The following ADAMTSL1 variants were observed in gnomAD, a reference collection of about 807,000 sequenced individuals.
The protein encoded by ADAMTSL1 is ADAMTS like 1, also known as ADAMTS-like protein 1.
In ADAMTSL1, 126 loss-of-function variants were observed where a neutral mutation model predicts 201.8. The ratio of observed to expected loss-of-function variants is 0.62; its 90% CI spans 0.54 to 0.72. The LOEUF (loss-of-function observed/expected upper bound fraction) is 0.72, where lower values mean the gene tolerates loss of function less well. Among genes scored for constraint, ADAMTSL1 ranks in the 30% least tolerant of loss-of-function variants. ADAMTSL1 has a pLI of 0.00. For synonymous variants in ADAMTSL1, 1,121 were observed against 903.4 expected (o/e 1.24, Z -4.32); for missense variants, 2,679 against 2,277.8 (o/e 1.18, Z -3.59).
chr9:18,007,795 A>G (rs1473321211), intron 1 of ADAMTSL1, among the ~76,000 whole-genome samples: 2 of 152,036 alleles, frequency 1.3e-5, no homozygotes, highest in African/African-American at 4.8e-5. Context: ...AGAATTAAAA[A>G]AAAAATTTCC....
chr9:18,740,457 C>T (rs1051862972), intron 15 of ADAMTSL1, among the ~76,000 whole-genome samples: 3 of 126,566 alleles, frequency 2.4e-5, no homozygotes, highest in African/African-American at 3.0e-5. Flanking sequence ...ATGTTCCTTT[C>T]TTTTTTTTTT....
intron 2 of ADAMTSL1, among the ~76,000 whole-genome samples, chr9:18,267,381 G>A (rs1832159436): frequency 6.6e-6 from 1 of 152,076 alleles, no homozygotes; most frequent in Admixed American, 6.6e-5. Flanking sequence ...GGTAAACACA[G>A]GACCTGACTC....
intron 5 of ADAMTSL1, among the ~76,000 whole-genome samples, chr9:18,632,529 A>G (rs891830475): frequency 2.0e-5 from 3 of 152,096 alleles, no homozygotes; most frequent in Non-Finnish European, 4.4e-5. Flanking sequence ...TGGGAATTTC[A>G]TCTGTGGGGT....
rs1587949235 is a variant in ADAMTSL1 at position 18,709,711 on chromosome 9, G to A, written c.1876+2663G>A. On this transcript the variant is annotated intron_variant, in intron 14 of 28. Transcript: ENST00000380548. ...GTGTCCAACTGTCACTTCCTTGTTA[G>A]ATTTTAATTTCCCACATGTGAACTG... Among the ~76,000 whole-genome samples, 4 of 152,158 alleles carry A rather than the reference G, an allele frequency of 2.6e-5. No individual in the cohort carries two copies. The East Asian group carries it at 7.7e-4, about 29-fold the overall frequency.
chr9:17,984,253 T>C (rs1009397166), intron 1 of ADAMTSL1, among the ~76,000 whole-genome samples: 3 of 152,122 alleles, frequency 2.0e-5, no homozygotes, highest in African/African-American at 4.8e-5. Context: ...ATGTAAGGAA[T>C]GAAGTAAATT....
chr9:18,570,250 C>T (rs891295623), intron 3 of ADAMTSL1, among the ~76,000 whole-genome samples: 4 of 150,938 alleles, frequency 2.7e-5, no homozygotes, highest in African/African-American at 9.7e-5. Context: ...ACCAAAAAAA[C>T]CCACAAAAGG....
intron 16 of ADAMTSL1, among the ~76,000 whole-genome samples, chr9:18,758,511 A>G (rs561259443): frequency 6.6e-6 from 1 of 152,302 alleles, no homozygotes; most frequent in African/African-American, 2.4e-5. Flanking sequence ...CTGGAGATCA[A>G]GGGGAGGGTC....
At chr9:18,046,269 G>T (rs1821653027) in intron 1 of ADAMTSL1, among the ~76,000 whole-genome samples, 1 of 152,168 alleles carries the variant, frequency 6.6e-6, no homozygotes, top group Non-Finnish European at 1.5e-5. Context: ...TTTCAGTCTT[G>T]CTACTAGGCA....
intron 3 of ADAMTSL1, among the ~76,000 whole-genome samples, chr9:18,541,100 C>A (rs1820107746): frequency 6.6e-6 from 1 of 152,208 alleles, no homozygotes; most frequent in African/African-American, 2.4e-5. Flanking sequence ...CATGTCTTTT[C>A]TAAGTCACTT....
chr9:18,778,787 T>A (rs2133767420), intron 19 of ADAMTSL1, among the ~76,000 whole-genome samples: 1 of 152,306 alleles, frequency 6.6e-6, no homozygotes, highest in African/African-American at 2.4e-5. Context: ...GTTAAGTAAT[T>A]TACTAAAGGT....
intron 20 of ADAMTSL1, among the ~76,000 whole-genome samples, chr9:18,797,758 T>C (rs571585067): frequency 6.6e-6 from 1 of 152,332 alleles, no homozygotes; most frequent in South Asian, 2.1e-4. Context: ...TACAGGGTTG[T>C]TGTGAGGTTA....
At chr9:18,322,080 A>G (rs1343505731) in intron 2 of ADAMTSL1, among the ~76,000 whole-genome samples, 1 of 152,220 alleles carries the variant, frequency 6.6e-6, no homozygotes, top group Non-Finnish European at 1.5e-5. Context: ...AATACTGCAA[A>G]CTAAACTATA....
chr9:18,826,055 G>C, intron 21 of ADAMTSL1: 1 of 609,834 alleles, frequency 1.6e-6, no homozygotes, highest in Non-Finnish European at 2.9e-6. Context: ...AGACAACTGA[G>C]ATGTTTATCT....
intron 4 of ADAMTSL1, among the ~76,000 whole-genome samples, chr9:18,606,343 C>G (rs989074662): frequency 1.3e-5 from 2 of 152,070 alleles, no homozygotes; most frequent in African/African-American, 4.8e-5. Flanking sequence ...TTGGGAATAT[C>G]TTTGTTTTTT....
At chr9:18,560,829 T>C (rs755951736) in intron 3 of ADAMTSL1, among the ~76,000 whole-genome samples, 1 of 151,986 alleles carries the variant, frequency 6.6e-6, no homozygotes, top group Non-Finnish European at 1.5e-5. Flanking sequence ...GTAGTTTGTA[T>C]TTCTGTGGGA....
intron 1 of ADAMTSL1, among the ~76,000 whole-genome samples, chr9:18,076,045 G>C (rs1823209636): frequency 6.6e-6 from 1 of 152,146 alleles, no homozygotes; most frequent in South Asian, 2.1e-4. Flanking sequence ...TCAAGAATGA[G>C]GATATTAGTT....
chr9:17,976,620 C>G lies in ADAMTSL1; in HGVS notation c.87+69698C>G, dbSNP rs531348056. On this transcript the variant is annotated intron_variant, in intron 1 of 29. Coordinates refer to the ADAMTSL1 transcript ENST00000680146. The stretch of plus-strand genomic sequence containing the variant: ...ACTTTACTGAGTTCTTTGATCAGTC[C>G]TAACAGCTTTTTGGTGAAGTCCTTA... 4.6e-5 allele frequency among the ~76,000 whole-genome samples: 7 copies of G among 151,638 alleles called. No individual in the cohort carries two copies. The South Asian group carries it at 1.0e-3, about 23-fold the overall frequency.
chr9:18,437,973 A>T (rs1424178766), intron 2 of ADAMTSL1, among the ~76,000 whole-genome samples: 1 of 152,124 alleles, frequency 6.6e-6, no homozygotes, highest in Non-Finnish European at 1.5e-5. Context: ...CCTGTCTGCT[A>T]ATGCCCGCTG....
chr9:18,558,506 A>C (rs960326492), intron 3 of ADAMTSL1, among the ~76,000 whole-genome samples: 3 of 152,140 alleles, frequency 2.0e-5, no homozygotes, highest in African/African-American at 7.2e-5. Flanking sequence ...ATTATTTATA[A>C]TCCTTTGGGT....
Sources: allele counts gnomAD v4.1 joint callset (sites outside exome capture counted in the v4.1 genomes callset), GRCh38; gene constraint gnomAD v4.1.1; transcripts MANE v1.5; gene names NCBI Gene and HGNC (gene_info 2026-07-23, HGNC 2026-07-21).